SPG7: variants seen among roughly 807,000 people sequenced by gnomAD.
The protein encoded by SPG7 is mitochondrial inner membrane m-AAA protease component paraplegin.
In SPG7, 103 loss-of-function variants were observed where a neutral mutation model predicts 81.9. The observed-to-expected ratio is 1.26, with a 90% CI of 1.07 to 1.48. The LOEUF is 1.48. SPG7 is among the 40% of genes most tolerant of loss of function. The pLI is 0.00. For missense variants in SPG7, 1,241 were observed against 1,087.3 expected, an observed-to-expected ratio of 1.14 and a Z score of -1.99; for synonymous variants, 534 against 444.2, an observed-to-expected ratio of 1.20 and a Z score of -2.54.
chr16:89,544,610 C>T (rs890104331), intron 9 of SPG7, 38 bp from the exon 10 acceptor site: 14 of 1,613,104 alleles, frequency 8.7e-6, no homozygotes, highest in South Asian at 5.5e-5. Flanking sequence ...GTGTCAGGAC[C>T]CCTACCCTCA....
At chr16:89,541,429 GT>G in intron 9 of SPG7, 1 of 720,658 alleles carries the variant, frequency 1.4e-6, no homozygotes, top group Non-Finnish European at 1.7e-6. Context: ...TGGAGAACGG[GT>G]TACTGGTTGT....
chr16:89,531,889 T>C lies in SPG7; in HGVS notation c.988-15T>C. 6.2e-7 allele frequency: 1 copy of C among 1,614,010 alleles called. No individual in the cohort carries two copies. Among genetic ancestry groups the C allele is most frequent in the Non-Finnish European group, 8.5e-7 (1 of 1,179,930 alleles). ...TCCCCAAGTAGTTAGTGTTGCATTGTCTGCTGCCGTCCAGAGCCCAGAACG... is the reference window on the plus strand; with the variant it reads ...TCCCCAAGTAGTTAGTGTTGCATTGCCTGCTGCCGTCCAGAGCCCAGAACG... On this transcript the variant is annotated splice_polypyrimidine_tract_variant and intron_variant, in intron 7 of 16. Coordinates refer to ENST00000645818, the MANE Select transcript of SPG7 (RefSeq NM_003119.4).
intron 1 of SPG7, among the ~76,000 whole-genome samples, chr16:89,509,848 G>A (rs1381837195): frequency 6.8e-6 from 1 of 147,784 alleles, no homozygotes; most frequent in Non-Finnish European, 1.5e-5. Context: ...GAGTGCAGTG[G>A]CCTGATCATG....
In SPG7 at chr16:89,536,763, A is replaced by G. The variant is rs143051009; in HGVS notation, c.1324+4127A>G. 5.1e-5 allele frequency: 83 copies of G among 1,613,822 alleles called. No individual in the cohort carries two copies. In the African/African-American group the frequency reaches 9.9e-4, roughly 19 times the overall value. ...GAGTCTGCGGCCTTCTTCTCCAACC[A>G]GGTGCCTCTCTTGACCAGCTACCCT... On this transcript the variant is annotated intron_variant, in intron 9 of 16. Transcript: ENST00000645818.
At chr16:89,513,760 TG>T (rs1205687599) in intron 3 of SPG7, among the ~76,000 whole-genome samples, 1 of 1,444 alleles carries the variant, frequency 6.9e-4, no homozygotes, top group East Asian at 0.5. Flanking sequence ...AAATCAGCGT[TG>T]TTAAGATGGA....
chr16:89,530,497 G>C, intron 6 of SPG7, 186 bp from the exon 7 acceptor site: 2 of 706,942 alleles, frequency 2.8e-6, no homozygotes, highest in East Asian at 5.2e-5. Context: ...AATTAATGAC[G>C]AAACATTTCC....
intron 3 of SPG7, among the ~76,000 whole-genome samples, chr16:89,513,285 A>G (rs575427503): frequency 3.7e-4 from 56 of 152,316 alleles, no homozygotes; most frequent in African/African-American, 1.3e-3. Flanking sequence ...CTGTAATCCC[A>G]GCACTTTGGG....
intron 9 of SPG7, chr16:89,537,878 G>A (rs545971797): frequency 1.3e-5 from 9 of 675,110 alleles, no homozygotes; most frequent in Admixed American, 1.3e-4. Context: ...TATCAAGCAC[G>A]CTCTGCCCTG....
At chr16:89,515,694 A>G (rs977815753) in intron 3 of SPG7, among the ~76,000 whole-genome samples, 2 of 148,454 alleles carry the variant, frequency 1.3e-5, no homozygotes, top group African/African-American at 2.5e-5. Context: ...TTCTATTATT[A>G]TTATTACTAT....
Position 89,554,519 on chromosome 16 carries a change from C to T in SPG7, c.2137C>T (p.His713Tyr). The T allele has an allele frequency of 6.2e-7, 1 of 1,609,610 alleles. No homozygotes were observed. Among genetic ancestry groups the T allele is most frequent in the Admixed American group, 1.7e-5 (1 of 60,018 alleles). The change falls in exon 16 of 17, where the codon CAC becomes TAC. Residue 713 changes from histidine to tyrosine, a missense_variant. Transcript: ENST00000645818. ...ARLLVAKAYR[H>Y]TEKVLQDNLD... ...ACTGCTGGTGGCCAAGGCCTACAGA[C>T]ACACCGAGAAGGTGCTGCAGGACAA...
intron 9 of SPG7, chr16:89,537,219 A>G: frequency 1.4e-6 from 2 of 1,426,570 alleles, no homozygotes; most frequent in Non-Finnish European, 1.8e-6. Context: ...CTCACTGGGG[A>G]AGAGAAAAGC....
Position 89,513,004 on chromosome 16 carries a change from A to G in SPG7, c.343A>G (p.Lys115Glu), listed in dbSNP as rs1284350694. The change falls in exon 3 of 17, where the codon AAG (lysine) becomes GAG (glutamate). Residue 115 changes from lysine (K) to glutamate (E), a missense_variant. Coordinates refer to ENST00000645818, the MANE Select transcript of SPG7 (RefSeq NM_003119.4). ...RLKQKNKEKD[K>E]SKGKAPEEDE... ...GAAGCAGAAGAATAAGGAGAAGGAT[A>G]AGTCGAAGGGGAAGGCGCCTGAAGA... The G allele has an allele frequency of 2.5e-6, 4 of 1,613,044 alleles. No individual in the cohort carries two copies. The highest frequency in any genetic ancestry group is 3.4e-6 in the Non-Finnish European group (4 of 1,179,128).
chr16:89,530,150 T>C (rs942278958), intron 6 of SPG7: 4 of 245,516 alleles, frequency 1.6e-5, no homozygotes, highest in Non-Finnish European at 3.1e-5. Flanking sequence ...TTCTTTTTTG[T>C]GTGTGTGTGT....
At chr16:89,544,556 C>G in intron 9 of SPG7, 92 bp from the exon 10 acceptor site, 1 of 1,483,362 alleles carries the variant, frequency 6.7e-7, no homozygotes, top group Admixed American at 1.7e-5. Context: ...GGGGGTCTCT[C>G]TCCCTCCTGT....
At chr16:89,514,087 C>G (rs1294244025) in intron 3 of SPG7, among the ~76,000 whole-genome samples, 1 of 152,022 alleles carries the variant, frequency 6.6e-6, no homozygotes, top group African/African-American at 2.4e-5. Context: ...GTCATAACTG[C>G]GGGAAGGGAC....
rs553172641 is a variant in SPG7, at chr16:89,524,589, G to A, written c.618+342G>A. 1.1e-4 allele frequency among the ~76,000 whole-genome samples: 16 copies of A among 152,200 alleles called. 1 individual carries two copies. Among genetic ancestry groups the A allele is most frequent in the African/African-American group, 3.6e-4 (15 of 41,542 alleles). On this transcript the variant is annotated intron_variant, in intron 4 of 16. Coordinates refer to ENST00000645818, the MANE Select transcript of SPG7 (RefSeq NM_003119.4). ...CTCCCGGGTAGCTGGGATTACAGGCGTGCACCACAACGCCTGGCTAATTTT... is the reference window on the plus strand; with the variant it reads ...CTCCCGGGTAGCTGGGATTACAGGCATGCACCACAACGCCTGGCTAATTTT...
intron 7 of SPG7, 98 bp downstream of exon 7, chr16:89,530,906 G>T: frequency 6.5e-7 from 1 of 1,548,730 alleles, no homozygotes; most frequent in Non-Finnish European, 8.9e-7. Flanking sequence ...CATCGATGAC[G>T]TGTCGTGGGT....
In SPG7 at chr16:89,548,085, C is replaced by T. The variant is rs770394077; in HGVS notation, c.1635C>T (p.Phe545=). The part of the protein sequence containing the change: ...EGHTSVHTLN[F]EYAVERVLAG... ...ACACTTCCGTGCACACTCTCAACTT[C>T]GAGTACGCCGTGGAGCGCGTCCTCG... Residue 545 remains phenylalanine (F), a synonymous_variant, in exon 12 of 17, where the codon TTC becomes TTT. Transcript: ENST00000645818. 9.3e-6 allele frequency: 15 copies of T among 1,608,526 alleles called. No homozygotes were observed. The highest frequency in any genetic ancestry group is 2.7e-5 in the African/African-American group (2 of 74,944).
At chr16:89,533,940 T>C (rs1165449887) in intron 9 of SPG7, 1 of 152,218 alleles carries the variant, frequency 6.6e-6, no homozygotes, top group Non-Finnish European at 1.5e-5. Flanking sequence ...GGGAGTGTGC[T>C]GTGCGATGGT....
Sources: gnomAD v4.1 joint callset for allele counts (sites outside exome capture counted in the v4.1 genomes callset) on GRCh38, gnomAD v4.1.1 for gene constraint, MANE v1.5 for transcripts, NCBI Gene and HGNC (gene_info 2026-07-23, HGNC 2026-07-21) for gene names.